MBNL3: variants seen among roughly 807,000 people sequenced by gnomAD.
MBNL3 encodes the protein muscleblind like splicing regulator 3.
MBNL3 carries 6 observed loss-of-function variants against 24.5 expected under a neutral mutation model. The ratio of observed to expected loss-of-function variants is 0.25; its 90% CI spans 0.13 to 0.48. The LOEUF (loss-of-function observed/expected upper bound fraction) is 0.48. MBNL3 is among the 20% of genes least tolerant of loss of function. The pLI is 0.99. For missense variants in MBNL3, 230 were observed against 293.5 expected (o/e 0.78, Z 1.58); for synonymous variants, 100 against 101.7 (o/e 0.98, Z 0.10).
In MBNL3 at chrX:132,406,386, A is replaced by G. The variant is rs1941829224; in HGVS notation, c.184T>C (p.Cys62Arg). ...AGGTACTTGCAGTTCTCTCGGGTAC[A>G]CCGACCCTGACAATGAAGAATAGGG... ...VACFDSLKGR[C>R]TRENCKYLHP... Residue 62 changes from cysteine (C) to arginine (R), a missense_variant, in exon 3 of 9, where the codon TGT becomes CGT. Transcript: ENST00000370853. The G allele has an allele frequency of 8.5e-7, 1 of 1,181,355 alleles. No individual in the cohort carries two copies. The highest frequency in any genetic ancestry group is 1.8e-5 in the African/African-American group (1 of 55,823).
intron 3 of MBNL3, among the ~76,000 whole-genome samples, chrX:132,398,378 A>C (rs1015423646): frequency 9.0e-6 from 1 of 111,669 alleles, no homozygotes; most frequent in Non-Finnish European, 1.9e-5. Flanking sequence ...GAGGAGGTGA[A>C]CAGGAATTGA....
chrX:132,486,223 T>C (rs1279449013), intron 1 of MBNL3, among the ~76,000 whole-genome samples: 1 of 111,811 alleles, frequency 8.9e-6, no homozygotes, highest in Non-Finnish European at 1.9e-5. Flanking sequence ...ATGTTATCAA[T>C]AGAAATCTTC....
At chrX:132,407,540 T>G (rs1412114546) in intron 2 of MBNL3, among the ~76,000 whole-genome samples, 1 of 112,598 alleles carries the variant, frequency 8.9e-6, no homozygotes, top group Non-Finnish European at 1.9e-5. Flanking sequence ...GGAGAAAGAA[T>G]AATTTATTGG....
At chrX:132,407,898 T>G (rs779077935) in intron 2 of MBNL3, among the ~76,000 whole-genome samples, 1 of 109,411 alleles carries the variant, frequency 9.1e-6, no homozygotes, top group Non-Finnish European at 1.9e-5. Context: ...ATACTTCTAC[T>G]TCAGGGTTTC....
rs1933900726 is a variant in MBNL3 at position 132,374,210 on chromosome X, C to T, written c.*5456G>A. 1 of 111,264 alleles carries T rather than the reference C, an allele frequency of 9.0e-6. No homozygotes were observed. The highest frequency in any genetic ancestry group is 3.3e-5 in the African/African-American group (1 of 30,633). 9.2% of individuals were successfully genotyped at this position (111,264 alleles called of 1,213,427 possible). On this transcript the variant is annotated 3_prime_UTR_variant, in exon 9 of 9. Coordinates refer to ENST00000370853, the MANE Select transcript of MBNL3 (RefSeq NM_001386889.1). Reference sequence around the variant, plus strand: ...TCTTATTCTATCATAACGGTAATATCTATCTTGTAATACATGAGGTATTTC... The same window carrying T: ...TCTTATTCTATCATAACGGTAATATTTATCTTGTAATACATGAGGTATTTC...
intron 3 of MBNL3, among the ~76,000 whole-genome samples, chrX:132,398,013 T>A (rs1940135174): frequency 2.7e-5 from 3 of 111,103 alleles, no homozygotes; most frequent in Admixed American, 1.9e-4. Context: ...TAAGTCCCCA[T>A]GGCTCTAGAG....
intron 2 of MBNL3, among the ~76,000 whole-genome samples, chrX:132,433,358 G>A (rs1944897608): frequency 8.9e-6 from 1 of 112,054 alleles, no homozygotes; most frequent in Non-Finnish European, 1.9e-5. Flanking sequence ...AAAATGAATG[G>A]TGGCCACATT....
chrX:132,430,270 T>A (rs1259198569), intron 2 of MBNL3: 3 of 111,731 alleles, frequency 2.7e-5, no homozygotes, highest in African/African-American at 9.7e-5. Context: ...AAATAATACC[T>A]GGAGTCCCTG....
Position 132,405,894 on chromosome X carries a change from A to G in MBNL3, c.342+334T>C, listed in dbSNP as rs752926172. Among the ~76,000 whole-genome samples the G allele has an allele frequency of 2.8e-5, 3 of 108,509 alleles. No homozygotes were observed. In the East Asian group the frequency reaches 8.6e-4, roughly 31 times the overall value. 94.2% of individuals were successfully genotyped at this position (108,509 alleles called of 115,157 possible). On this transcript the variant is annotated intron_variant, in intron 3 of 8. Transcript: ENST00000370853. The stretch of plus-strand genomic sequence containing the variant: ...CTCTGTCTCACCAAAAAAAAAAAAA[A>G]AAAAAAAAAGCAACAAAACCCCCAT...
At chrX:132,439,375 A>G (rs780643263) in intron 2 of MBNL3, 60 bp downstream of exon 2, 4 of 1,068,950 alleles carry the variant, frequency 3.7e-6, no homozygotes, top group Admixed American at 3.4e-5. Context: ...AAAGCACATC[A>G]TATTTCAAAA....
At chrX:132,437,947 CA>C (rs1031599016) in intron 2 of MBNL3, 65 of 566,538 alleles carry the variant, frequency 1.1e-4, no homozygotes, top group African/African-American at 2.4e-4. Flanking sequence ...GAATGGTCTG[CA>C]AAAAAAAACA....
At chrX:132,473,076 C>G (rs1947260591) in intron 1 of MBNL3, among the ~76,000 whole-genome samples, 1 of 111,781 alleles carries the variant, frequency 8.9e-6, no homozygotes, top group South Asian at 3.7e-4. Context: ...AAAACAATAG[C>G]CTTAATTTAA....
intron 1 of MBNL3, among the ~76,000 whole-genome samples, chrX:132,448,001 G>A (rs1031188004): frequency 2.7e-5 from 3 of 112,156 alleles, no homozygotes; most frequent in African/African-American, 9.7e-5. Context: ...TGCATCTATT[G>A]AGATAATCAT....
chrX:132,381,303 TAAATA>T, intron 8 of MBNL3: 4 of 724,717 alleles, frequency 5.5e-6, no homozygotes, highest in Non-Finnish European at 7.9e-6. Flanking sequence ...TGCAATTGTG[TAAATA>T]AAATATGTAG....
At chrX:132,450,725 T>C (rs1946058382) in intron 1 of MBNL3, among the ~76,000 whole-genome samples, 1 of 111,964 alleles carries the variant, frequency 8.9e-6, no homozygotes, top group Non-Finnish European at 1.9e-5. Context: ...GGAGTTGTGA[T>C]CCTTTGGAGG....
rs146506777 is a variant in MBNL3 at position 132,422,816 on chromosome X, G to A, written c.178-16424C>T. Among the ~76,000 whole-genome samples the A allele has an allele frequency of 3.6e-5, 4 of 111,471 alleles. No individual in the cohort carries two copies. In the East Asian group the frequency reaches 1.1e-3, roughly 31 times the overall value. ...AACTTCAGTGTTTGCCAGAATTACC[G>A]GGAGAGTTTCTTGAAACACAAAGTG... is the stretch of plus-strand genomic sequence containing the variant. On this transcript the variant is annotated intron_variant, in intron 2 of 8. Coordinates refer to ENST00000370853, the MANE Select transcript of MBNL3 (RefSeq NM_001386889.1).
At chrX:132,478,107 T>C (rs748366077) in intron 1 of MBNL3, among the ~76,000 whole-genome samples, 1 of 111,980 alleles carries the variant, frequency 8.9e-6, no homozygotes, top group Non-Finnish European at 1.9e-5. Flanking sequence ...ATGAGCTTGA[T>C]TTTCTTCCAA....
At chrX:132,422,474 C>T (rs1208796789) in intron 2 of MBNL3, among the ~76,000 whole-genome samples, 7 of 111,600 alleles carry the variant, frequency 6.3e-5, no homozygotes, top group East Asian at 2.8e-4. Flanking sequence ...TACACTAACA[C>T]GCAGTTAACA....
chrX:132,411,296 C>G, intron 2 of MBNL3: 1 of 754,103 alleles, frequency 1.3e-6, no homozygotes, highest in Non-Finnish European at 1.6e-6. Flanking sequence ...AGGCGAGAAG[C>G]TGGGGTGAGA....
Sources: gnomAD v4.1 joint callset for allele counts (sites outside exome capture counted in the v4.1 genomes callset) on GRCh38, gnomAD v4.1.1 for gene constraint, MANE v1.5 for transcripts, NCBI Gene and HGNC (gene_info 2026-07-23, HGNC 2026-07-21) for gene names.